Variants in CPLX2 observed in about 807,000 individuals in gnomAD.
CPLX2 encodes the protein complexin 2, also known as complexin-2.
Under a neutral mutation model 16.3 loss-of-function variants are expected in CPLX2, and 5 were observed. That is an observed-to-expected ratio of 0.31 (90% CI 0.16 to 0.64). CPLX2 has a LOEUF of 0.64. Ranked by LOEUF, CPLX2 falls within the 30% of genes least tolerant of loss-of-function variation. The pLI, the probability that CPLX2 is intolerant of heterozygous loss-of-function variation, is 0.79. For missense variants in CPLX2, 144 were observed against 181.4 expected (o/e 0.79, Z 1.18); for synonymous variants, 89 against 73.2 (o/e 1.22, Z -1.10).
chr5:175,872,431 C>A lies in CPLX2; in HGVS notation c.-89+726C>A, dbSNP rs1224572571. Among the ~76,000 whole-genome samples, 1 of 152,110 alleles carries A rather than the reference C, an allele frequency of 6.6e-6. No homozygotes were observed. Among genetic ancestry groups the A allele is most frequent in the African/African-American group, 2.4e-5 (1 of 41,420 alleles). The stretch of plus-strand genomic sequence containing the variant: ...TTCCCCAGCAAAGTTTGAAACCGGG[C>A]CGGGTCTTGGGGTTGGAGCTATGTG... On this transcript the variant is annotated intron_variant, in intron 1 of 3. Transcript: ENST00000393745. The surrounding 1 kb of genome is among the most constrained non-coding windows in gnomAD (Gnocchi z 5.0).
chr5:175,823,886 G>C (rs1459650936), intron 2 of CPLX2, among the ~76,000 whole-genome samples: 2 of 152,208 alleles, frequency 1.3e-5, no homozygotes, highest in African/African-American at 2.4e-5. Context: ...CAGAGAGACA[G>C]ATTATGTAAA....
rs554536706 is a variant in CPLX2, at chr5:175,858,346, C to G, written c.-88-20306C>G. On this transcript the variant is annotated intron_variant, in intron 2 of 4. Transcript: ENST00000359546. ...CAAGCGACACCACCCTTCCCAGCCCCCTGCAGCGGGCAGGCCCAAGGCACT... is the reference window on the plus strand; with the variant it reads ...CAAGCGACACCACCCTTCCCAGCCCGCTGCAGCGGGCAGGCCCAAGGCACT... Among the ~76,000 whole-genome samples the G allele has an allele frequency of 2.1e-3, 324 of 152,354 alleles. 2 individuals are homozygous for G. The highest frequency in any genetic ancestry group is 0.017 in the Middle Eastern group (5 of 294).
chr5:175,862,771 T>G (rs1191095906), intron 2 of CPLX2, among the ~76,000 whole-genome samples: 1 of 152,232 alleles, frequency 6.6e-6, no homozygotes, highest in Non-Finnish European at 1.5e-5. Context: ...TCTGGCCCTC[T>G]CTGCTCATGT....
chr5:175,870,866 G>A (rs535316886), upstream of CPLX2, among the ~76,000 whole-genome samples: 40 of 152,278 alleles, frequency 2.6e-4, no homozygotes, highest in South Asian at 1.0e-3. Context: ...TTCTGGGTGC[G>A]CAGTGGAGGT....
rs1758709134 is a variant in CPLX2 at position 175,830,224 on chromosome 5, C to T, written c.-89+21156C>T. On this transcript the variant is annotated intron_variant, in intron 2 of 4. Transcript: ENST00000359546. The surrounding 1 kb of genome is among the most constrained non-coding windows in gnomAD (Gnocchi z 4.0). ...CCACAGAGCTGCCCTGGTTCCCTGC[C>T]CCCGGGGGAGCACAGCCCAGCAAGA... Among the ~76,000 whole-genome samples, 1 of 152,206 alleles carries T rather than the reference C, an allele frequency of 6.6e-6. No homozygotes were observed. The highest frequency in any genetic ancestry group is 2.4e-5 in the African/African-American group (1 of 41,444).
intron 2 of CPLX2, among the ~76,000 whole-genome samples, chr5:175,864,097 A>C (rs1413238113): frequency 3.9e-5 from 6 of 152,202 alleles, no homozygotes; most frequent in Admixed American, 3.9e-4. Context: ...AGAGGGAATT[A>C]ATACTTGCTG....
upstream of CPLX2, among the ~76,000 whole-genome samples, chr5:175,870,741 C>A (rs759438896): frequency 6.6e-6 from 1 of 152,192 alleles, no homozygotes; most frequent in Non-Finnish European, 1.5e-5. Context: ...AAAGAAATGG[C>A]CTTCTAGAAT....
At chr5:175,817,599 A>T (rs912479941) in intron 2 of CPLX2, among the ~76,000 whole-genome samples, 1 of 152,106 alleles carries the variant, frequency 6.6e-6, no homozygotes, top group African/African-American at 2.4e-5. Flanking sequence ...ATCTTGCTCC[A>T]TTTTTTAATT....
At chr5:175,832,029 C>T (rs1169815777) in intron 2 of CPLX2, among the ~76,000 whole-genome samples, 1 of 152,344 alleles carries the variant, frequency 6.6e-6, no homozygotes, top group African/African-American at 2.4e-5. Context: ...CTCTGCCCTC[C>T]ATGTCTCTTG....
chr5:175,802,849 T>G (rs1304273396), intron 1 of CPLX2, among the ~76,000 whole-genome samples: 1 of 152,040 alleles, frequency 6.6e-6, no homozygotes, highest in Non-Finnish European at 1.5e-5. Context: ...CTTTTTTTTT[T>G]GAGACAGAGT....
chr5:175,857,870 C>G (rs1759290098), intron 2 of CPLX2, among the ~76,000 whole-genome samples: 1 of 152,232 alleles, frequency 6.6e-6, no homozygotes, highest in African/African-American at 2.4e-5. Context: ...AGAGCACGTG[C>G]TCAGGGAGCA....
chr5:175,862,897 C>T lies in CPLX2; in HGVS notation c.-88-15755C>T, dbSNP rs116810935. 3.9e-3 allele frequency among the ~76,000 whole-genome samples: 587 copies of T among 152,334 alleles called. 5 individuals carry two copies. The highest frequency in any genetic ancestry group is 0.013 in the African/African-American group (533 of 41,570). On this transcript the variant is annotated intron_variant, in intron 2 of 4. Coordinates refer to the CPLX2 transcript ENST00000359546. The stretch of plus-strand genomic sequence containing the variant: ...AATACACAGGTGGGCTCCTCCAAAG[C>T]TGATGCCACACGAGGAAGGAGTTGG...
Position 175,835,769 on chromosome 5 carries a change from C to T in CPLX2, c.-89+26701C>T, listed in dbSNP as rs577233896. ...TTTTTTTTTTTTTGAGACAGGATCT[C>T]GCTCTGTCGCCCAGGCTGGAGTGCA... On this transcript the variant is annotated intron_variant, in intron 2 of 4. Coordinates refer to the CPLX2 transcript ENST00000359546. 4.0e-3 allele frequency among the ~76,000 whole-genome samples: 476 copies of T among 118,596 alleles called. 1 individual carries two copies. Among genetic ancestry groups the T allele is most frequent in the Middle Eastern group, 0.02 (3 of 148 alleles). The allele number at this position is 118,596 out of a possible 152,430, so 77.8% of individuals were successfully genotyped here. A position where few individuals can be genotyped will look rare whatever the true frequency, so the allele number is the denominator to read the frequency against.
intron 2 of CPLX2, among the ~76,000 whole-genome samples, chr5:175,851,856 G>A (rs886197018): frequency 1.3e-5 from 2 of 152,216 alleles, no homozygotes; most frequent in African/African-American, 4.8e-5. Context: ...GTGAGGATCC[G>A]TGGGCCGCTC....
At chr5:175,803,904 A>G (rs1560031) in intron 1 of CPLX2, among the ~76,000 whole-genome samples, 124,486 of 152,192 alleles carry the variant, frequency 0.82, 51,011 homozygotes, top group East Asian at 0.91. Context: ...TGGCGCTGGC[A>G]GCCGTGTGGG....
rs1250369940 is a variant in CPLX2 at position 175,883,643 on chromosome 5, C to G, written c.*3598C>G. 6 of 152,394 alleles carry G rather than the reference C, an allele frequency of 3.9e-5. No homozygotes were observed. The highest frequency in any genetic ancestry group is 1.4e-4 in the African/African-American group (6 of 41,452). 9.4% of individuals were successfully genotyped at this position (152,394 alleles called of 1,614,324 possible). Reference sequence around the variant, plus strand: ...ACCGCACAGGGAGGCTGGGGCCAGCCTGGTCTCCCAGGCCTGAGGACATGC... The same window carrying G: ...ACCGCACAGGGAGGCTGGGGCCAGCGTGGTCTCCCAGGCCTGAGGACATGC... On this transcript the variant is annotated 3_prime_UTR_variant, in exon 4 of 4. Coordinates refer to ENST00000393745, the MANE Select transcript of CPLX2 (RefSeq NM_001008220.2).
upstream of CPLX2, among the ~76,000 whole-genome samples, chr5:175,869,323 T>A (rs1395757019): frequency 6.6e-6 from 1 of 152,212 alleles, no homozygotes; most frequent in Non-Finnish European, 1.5e-5. Flanking sequence ...ATGCTTGGGT[T>A]CAAAGGGGGC....
chr5:175,847,196 G>A (rs542563391), intron 2 of CPLX2, among the ~76,000 whole-genome samples: 22 of 152,320 alleles, frequency 1.4e-4, no homozygotes, highest in South Asian at 1.0e-3. Flanking sequence ...GCTGTGAGGC[G>A]AGGAGTATTT....
chr5:175,835,087 T>C (rs1302353345), intron 2 of CPLX2, among the ~76,000 whole-genome samples: 1 of 152,220 alleles, frequency 6.6e-6, no homozygotes, highest in African/African-American at 2.4e-5. Flanking sequence ...AATTTTAAGA[T>C]ATGTTTGAAG....
Sources: gnomAD v4.1 joint callset for allele counts (sites outside exome capture counted in the v4.1 genomes callset) on GRCh38, gnomAD v4.1.1 for gene constraint, Gnocchi (gnomAD v3.1) non-coding constraint, MANE v1.5 for transcripts, NCBI Gene and HGNC (gene_info 2026-07-23, HGNC 2026-07-21) for gene names.